Variants in CSMD2 observed in about 807,000 individuals in gnomAD.
The protein encoded by CSMD2 is CUB and sushi domain-containing protein 2.
Under a neutral mutation model 398.5 loss-of-function variants are expected in CSMD2, and 130 were observed. The ratio of observed to expected loss-of-function variants is 0.33; its 90% CI spans 0.28 to 0.38. CSMD2 has a LOEUF of 0.38. CSMD2 is among the 10% of genes least tolerant of loss of function. The pLI is 1.00. For missense variants in CSMD2, 3,829 were observed against 4,764.9 expected (o/e 0.80, Z 5.78); for synonymous variants, 1,828 against 1,908.5 (o/e 0.96, Z 1.10).
At chr1:33,835,683 CAAAACAA>C (rs1557976859) in intron 6 of CSMD2, among the ~76,000 whole-genome samples, 1 of 40,076 alleles carries the variant, frequency 2.5e-5, no homozygotes, top group African/African-American at 1.9e-4. Context: ...CAAAACAAAA[CAAAACAA>C]AAAAAACAAA....
chr1:34,133,353 G>A (rs149937289), intron 1 of CSMD2, among the ~76,000 whole-genome samples: 4 of 152,316 alleles, frequency 2.6e-5, no homozygotes, highest in Admixed American at 6.5e-5. Context: ...AGCCCAGGCC[G>A]GGTGTAGTAG....
At chr1:33,961,638 G>A (rs1645362976) in intron 3 of CSMD2, among the ~76,000 whole-genome samples, 1 of 152,190 alleles carries the variant, frequency 6.6e-6, no homozygotes, top group South Asian at 2.1e-4. Context: ...GGTCATGGGG[G>A]TGGATCTCTC....
At chr1:33,691,291 C>T (rs905413105) in intron 25 of CSMD2, among the ~76,000 whole-genome samples, 3 of 152,058 alleles carry the variant, frequency 2.0e-5, no homozygotes, top group African/African-American at 4.8e-5. Flanking sequence ...CCATGGAATC[C>T]GGTTTCTGAT....
intron 10 of CSMD2, chr1:33,804,967 C>A: frequency 2.8e-6 from 2 of 705,530 alleles, no homozygotes; most frequent in Non-Finnish European, 5.3e-6. Context: ...CCACCAAGGC[C>A]CCACAGAGAT....
At chr1:33,700,827 G>A (rs902749274) in intron 22 of CSMD2, among the ~76,000 whole-genome samples, 154 bp from the exon 23 acceptor site, 1 of 152,188 alleles carries the variant, frequency 6.6e-6, no homozygotes, top group African/African-American at 2.4e-5. Flanking sequence ...GATGGCAGAG[G>A]GAAGCTATCA....
chr1:33,579,669 TC>T (rs1393562791), intron 48 of CSMD2, among the ~76,000 whole-genome samples: 1 of 151,218 alleles, frequency 6.6e-6, no homozygotes, highest in Non-Finnish European at 1.5e-5. Flanking sequence ...CAACCAAGAT[TC>T]TTTTTTTTTA....
At position 33,745,133 on chromosome 1, in the gene CSMD2, C is replaced by A. The variant is rs188304517; in HGVS notation, c.1847-1527G>T. 1.9e-3 allele frequency among the ~76,000 whole-genome samples: 286 copies of A among 152,170 alleles called. 2 individuals carry two copies. The highest frequency in any genetic ancestry group is 6.5e-3 in the African/African-American group (270 of 41,500). ...GCAATCATTAAAGTGATAAATATGA[C>A]CCTGTAGAAAGAATGTTAAACATAA... On this transcript the variant is annotated intron_variant, in intron 13 of 70. Coordinates refer to ENST00000373381, the MANE Select transcript of CSMD2 (RefSeq NM_001281956.2).
intron 13 of CSMD2, among the ~76,000 whole-genome samples, chr1:33,771,200 T>G (rs1651210918): frequency 6.6e-6 from 1 of 152,176 alleles, no homozygotes; most frequent in Admixed American, 6.5e-5. Context: ...TCCCACTGTG[T>G]GTACCTTTAT....
intron 9 of CSMD2, among the ~76,000 whole-genome samples, chr1:33,811,131 A>G (rs1165652964): frequency 6.6e-6 from 1 of 151,652 alleles, no homozygotes; most frequent in East Asian, 1.9e-4. Context: ...TTACCCCCAC[A>G]CCCCGACTCC....
chr1:34,151,708 C>CTGTG (rs1640336619), intron 1 of CSMD2, among the ~76,000 whole-genome samples: 1 of 152,118 alleles, frequency 6.6e-6, no homozygotes. Flanking sequence ...CCACAGACAG[C>CTGTG]ACCTGGAAAG....
intron 25 of CSMD2, among the ~76,000 whole-genome samples, chr1:33,680,386 C>T (rs1336874824): frequency 6.6e-6 from 1 of 152,050 alleles, no homozygotes; most frequent in Non-Finnish European, 1.5e-5. Context: ...CTTTCCCTGC[C>T]ACAGGTCAGT....
chr1:34,026,658 C>T (rs1284481896), intron 3 of CSMD2, among the ~76,000 whole-genome samples: 1 of 152,214 alleles, frequency 6.6e-6, no homozygotes, highest in Non-Finnish European at 1.5e-5. Context: ...TTCTGATCTG[C>T]CCATCACGCT....
intron 41 of CSMD2, among the ~76,000 whole-genome samples, chr1:33,608,131 G>T (rs1640752465): frequency 6.6e-6 from 1 of 152,132 alleles, no homozygotes; most frequent in Non-Finnish European, 1.5e-5. Flanking sequence ...CCAAAGATGG[G>T]GGCTGGGGAA....
chr1:34,056,853 G>A (rs1653886851), intron 2 of CSMD2, among the ~76,000 whole-genome samples: 1 of 152,214 alleles, frequency 6.6e-6, no homozygotes, highest in Non-Finnish European at 1.5e-5. Flanking sequence ...GAAGGCAGCT[G>A]AGAAAGGGGA....
intron 2 of CSMD2, among the ~76,000 whole-genome samples, chr1:34,040,057 A>C (rs1346517655): frequency 6.6e-6 from 1 of 151,966 alleles, no homozygotes; most frequent in Admixed American, 6.6e-5. Flanking sequence ...CCAGCTACTC[A>C]GGGGGCTTAA....
chr1:33,824,781 G>C (rs75898848), intron 7 of CSMD2, among the ~76,000 whole-genome samples: 1 of 152,038 alleles, frequency 6.6e-6, no homozygotes, highest in South Asian at 2.1e-4. Flanking sequence ...AAAGTGGCAA[G>C]AGGAGAAAAA....
At chr1:33,763,152 C>A (rs1270726483) in intron 13 of CSMD2, among the ~76,000 whole-genome samples, 2 of 152,284 alleles carry the variant, frequency 1.3e-5, no homozygotes, top group East Asian at 3.9e-4. Context: ...GGAAAAAAGT[C>A]TCTTGGCATG....
intron 5 of CSMD2, among the ~76,000 whole-genome samples, chr1:33,893,008 T>G (rs1341700431): frequency 1.3e-5 from 2 of 152,186 alleles, no homozygotes; most frequent in East Asian, 3.8e-4. Flanking sequence ...CTATCAAAAA[T>G]GATTAATGGG....
At chr1:33,594,254 TGA>T in intron 44 of CSMD2, among the ~76,000 whole-genome samples, 1 of 152,298 alleles carries the variant, frequency 6.6e-6, no homozygotes, top group South Asian at 2.1e-4. Flanking sequence ...CAGCCCCGCT[TGA>T]GATAGAGTGG....
Sources: allele counts gnomAD v4.1 joint callset (sites outside exome capture counted in the v4.1 genomes callset), GRCh38; gene constraint gnomAD v4.1.1; transcripts MANE v1.5; gene names NCBI Gene and HGNC (gene_info 2026-07-23, HGNC 2026-07-21).